SENP5: variants seen among roughly 807,000 people sequenced by gnomAD.
SENP5 encodes the protein SUMO specific peptidase 5, also known as sentrin-specific protease 5.
Under a neutral mutation model 74.2 loss-of-function variants are expected in SENP5, and 21 were observed. The ratio of observed to expected loss-of-function variants is 0.28; its 90% CI spans 0.20 to 0.41. The LOEUF is 0.41. SENP5 is among the 10% of genes least tolerant of loss of function. The pLI is 1.00. For synonymous variants in SENP5, 311 were observed against 312.7 expected (o/e 0.99, Z 0.06); for missense variants, 717 against 889.1 (o/e 0.81, Z 2.46).
intron 5 of SENP5, among the ~76,000 whole-genome samples, chr3:196,902,969 T>G (rs1008429590): frequency 2.0e-5 from 3 of 152,178 alleles, no homozygotes; most frequent in African/African-American, 4.8e-5. Flanking sequence ...TTCACCTGAT[T>G]TAGAGAGATT....
intron 2 of SENP5, among the ~76,000 whole-genome samples, chr3:196,891,137 T>C (rs893557138): frequency 1.4e-4 from 21 of 152,332 alleles, no homozygotes; most frequent in South Asian, 2.1e-4. Flanking sequence ...AACACCGATA[T>C]ATACTTAAAT....
Position 196,931,994 on chromosome 3 carries a change from G to C in SENP5, c.*1071G>C, listed in dbSNP as rs1716054809. 1 of 438,914 alleles carries C rather than the reference G, an allele frequency of 2.3e-6. No homozygotes were observed. Among genetic ancestry groups the C allele is most frequent in the Non-Finnish European group, 4.5e-6 (1 of 220,326 alleles). The allele number at this position is 438,914 out of a possible 1,614,324, so 27.2% of individuals were successfully genotyped here. ...GCAACCGTGTCAGGTTCTTTCTCCT[G>C]TCCCATTAGTGACCTCAGTAACATG... On this transcript the variant is annotated 3_prime_UTR_variant, in exon 10 of 10. Transcript: ENST00000323460.
intron 1 of SENP5, among the ~76,000 whole-genome samples, chr3:196,883,308 A>G (rs1713808683): frequency 6.6e-6 from 1 of 152,012 alleles, no homozygotes; most frequent in Non-Finnish European, 1.5e-5. Flanking sequence ...AAATATCACT[A>G]TCTGTTGGTT....
At position 196,885,928 on chromosome 3, in the gene SENP5, G is replaced by T; in HGVS notation, c.747G>T (p.Gln249His). 1 of 1,614,092 alleles carries T rather than the reference G, an allele frequency of 6.2e-7. No homozygotes were observed. The highest frequency in any genetic ancestry group is 8.5e-7 in the Non-Finnish European group (1 of 1,180,030). Residue 249 changes from glutamine (Q) to histidine (H), a missense_variant, in exon 2 of 10, where the codon CAG becomes CAT. This residue lies in a region of SENP5 where 567 missense variants were observed against 577.4 expected (regional missense o/e 0.98). Transcript: ENST00000323460. ...TTCGGTACAGGATTCTCAGATCCCAGCACTTCAGAACCAAAAGCAAGGTTT... is the reference window on the plus strand; with the variant it reads ...TTCGGTACAGGATTCTCAGATCCCATCACTTCAGAACCAAAAGCAAGGTTT... ...IRFRYRILRS[Q>H]HFRTKSKVCK...
chr3:196,928,507 G>A (rs142890195), intron 8 of SENP5, among the ~76,000 whole-genome samples: 441 of 152,282 alleles, frequency 2.9e-3, no homozygotes, highest in Non-Finnish European at 4.8e-3. Context: ...GGTCATTTAG[G>A]GATAAGCATC....
intron 1 of SENP5, among the ~76,000 whole-genome samples, chr3:196,881,134 G>C (rs1466522145): frequency 6.6e-6 from 1 of 152,006 alleles, no homozygotes; most frequent in African/African-American, 2.4e-5. Flanking sequence ...TCTTTGTAGA[G>C]ATGGGGTTTC....
chr3:196,869,431 T>C (rs915362651), intron 1 of SENP5, among the ~76,000 whole-genome samples: 2 of 150,454 alleles, frequency 1.3e-5, no homozygotes, highest in African/African-American at 4.9e-5. Flanking sequence ...CTCGACCTCC[T>C]GACCTCAAGT....
At chr3:196,903,396 A>G (rs550831791) in intron 5 of SENP5, 137 bp from the exon 6 acceptor site, 8 of 531,402 alleles carry the variant, frequency 1.5e-5, no homozygotes, top group South Asian at 3.1e-5. Flanking sequence ...TGCCTCCTCA[A>G]TCATTGTTTT....
intron 6 of SENP5, among the ~76,000 whole-genome samples, chr3:196,906,534 G>A (rs1714911137): frequency 6.6e-6 from 1 of 152,142 alleles, no homozygotes; most frequent in Non-Finnish European, 1.5e-5. Context: ...CTAGCCTGAG[G>A]GTAAGGGAAT....
At chr3:196,868,882 G>GT (rs1553816691) in intron 1 of SENP5, among the ~76,000 whole-genome samples, 26 of 149,000 alleles carry the variant, frequency 1.7e-4, no homozygotes, top group South Asian at 1.5e-3. Flanking sequence ...TCCTACTTAT[G>GT]TTTTTTTTTT....
intron 2 of SENP5, among the ~76,000 whole-genome samples, chr3:196,894,145 CAG>C (rs1714339386): frequency 2.0e-5 from 2 of 98,626 alleles, no homozygotes; most frequent in Non-Finnish European, 3.8e-5. Flanking sequence ...TTTCTGGAGA[CAG>C]AGTTTTGATC....
chr3:196,908,472 G>A (rs1236511825), intron 6 of SENP5, among the ~76,000 whole-genome samples: 1 of 152,174 alleles, frequency 6.6e-6, no homozygotes, highest in Non-Finnish European at 1.5e-5. Context: ...AGCACTAAAT[G>A]CCCACATCGA....
Position 196,885,140 on chromosome 3 carries a change from C to G in SENP5, c.-31-11C>G. ...TTAGATAGAAATATAACTTACTTCT[C>G]TTCTTTACAGCTGCATCCAGATCTC... On this transcript the variant is annotated splice_polypyrimidine_tract_variant and intron_variant, in intron 1 of 9. Coordinates refer to ENST00000323460, the MANE Select transcript of SENP5 (RefSeq NM_152699.5). The G allele has an allele frequency of 6.8e-7, 1 of 1,472,618 alleles. No individual in the cohort carries two copies. 91.2% of individuals were successfully genotyped at this position (1,472,618 alleles called of 1,614,324 possible). A position where few individuals can be genotyped will look rare whatever the true frequency, so the allele number is the denominator to read the frequency against.
chr3:196,918,429 G>A (rs1715475721), intron 6 of SENP5, among the ~76,000 whole-genome samples: 1 of 149,018 alleles, frequency 6.7e-6, no homozygotes, highest in Non-Finnish European at 1.5e-5. Context: ...TTATCAGTTT[G>A]AAATAGTTGT....
chr3:196,896,180 A>G (rs1411957634), intron 2 of SENP5, among the ~76,000 whole-genome samples: 1 of 152,224 alleles, frequency 6.6e-6, no homozygotes, highest in Non-Finnish European at 1.5e-5. Flanking sequence ...TGGATAAAGA[A>G]TGGTGGATTT....
At chr3:196,892,971 G>A (rs545408714) in intron 2 of SENP5, among the ~76,000 whole-genome samples, 2 of 152,268 alleles carry the variant, frequency 1.3e-5, no homozygotes, top group East Asian at 3.9e-4. Context: ...GCCATGTCTT[G>A]GCTATTGTGG....
intron 9 of SENP5, among the ~76,000 whole-genome samples, chr3:196,930,578 C>A (rs1044891609): frequency 6.6e-6 from 1 of 152,132 alleles, no homozygotes; most frequent in Non-Finnish European, 1.5e-5. Context: ...TGCGAGGGAT[C>A]TAGGTTGCTC....
intron 2 of SENP5, among the ~76,000 whole-genome samples, chr3:196,897,592 A>T (rs753275765): frequency 1.6e-4 from 24 of 152,244 alleles, no homozygotes; most frequent in Non-Finnish European, 2.9e-4. Flanking sequence ...CTCTCCCCTC[A>T]TAAAAGACAA....
At chr3:196,898,312 G>T (rs1330713742) in intron 2 of SENP5, among the ~76,000 whole-genome samples, 1 of 151,680 alleles carries the variant, frequency 6.6e-6, no homozygotes, top group Non-Finnish European at 1.5e-5. Flanking sequence ...ACTGTCCTAT[G>T]GTGTGGCCAA....
Sources: allele counts gnomAD v4.1 joint callset (sites outside exome capture counted in the v4.1 genomes callset), GRCh38; gene constraint gnomAD v4.1.1; regional missense constraint gnomAD v4.1.1; transcripts MANE v1.5; gene names NCBI Gene and HGNC (gene_info 2026-07-23, HGNC 2026-07-21).